The following RNF6 variants were observed in gnomAD, a reference collection of about 807,000 sequenced individuals.
The protein encoded by RNF6 is ring finger protein 6, also known as E3 ubiquitin-protein ligase RNF6.
A neutral mutation model predicts 50.1 loss-of-function variants in RNF6; 21 were observed. That is an observed-to-expected ratio of 0.42 (90% confidence interval 0.30 to 0.60). The LOEUF is 0.60. RNF6 is among the 20% of genes least tolerant of loss of function. The pLI is 0.20. For synonymous variants in RNF6, 255 were observed against 291.8 expected (o/e 0.87, Z 1.29); for missense variants, 698 against 838.2 (o/e 0.83, Z 2.07).
chr13:26,196,510 G>T (rs547498716), intron 5 of RNF6, among the ~76,000 whole-genome samples: 1 of 152,100 alleles, frequency 6.6e-6, no homozygotes, highest in Non-Finnish European at 1.5e-5. Flanking sequence ...AAATTAGCCA[G>T]TAATCCCAAC....
At chr13:26,167,363 C>A (rs994330467) in intron 5 of RNF6, among the ~76,000 whole-genome samples, 3 of 152,042 alleles carry the variant, frequency 2.0e-5, no homozygotes, top group Non-Finnish European at 4.4e-5. Flanking sequence ...CAAGAAAAAA[C>A]AAACAACCCC....
At position 26,214,294 on chromosome 13, in the gene RNF6, T is replaced by C. The variant is rs781120031; in HGVS notation, c.1588A>G (p.Ser530Gly). Reference protein sequence around the residue: ...LSNLGTDNNRSQHREGSSQDR... With the variant: ...LSNLGTDNNRGQHREGSSQDR... ...TGAGAGGAACCTTCCCTGTGCTGGC[T>C]CCTGTTGTTATCTGTACCTAAGTTA... Residue 530 changes from serine (S) to glycine (G), a missense_variant, in exon 5 of 5, where the codon AGC becomes GGC. Ser to Gly is a moderately conservative substitution (Grantham distance 56). Coordinates refer to ENST00000381588, the MANE Select transcript of RNF6 (RefSeq NM_005977.4). 4.3e-6 allele frequency: 7 copies of C among 1,614,150 alleles called. No homozygotes were observed. In the Admixed American group the frequency reaches 1.0e-4, roughly 23 times the overall value.
chr13:26,193,410 G>A (rs1868539165), intron 5 of RNF6, among the ~76,000 whole-genome samples: 1 of 152,294 alleles, frequency 6.6e-6, no homozygotes, highest in Non-Finnish European at 1.5e-5. Context: ...GAGGGAGTTA[G>A]CAACTGAAAT....
intron 5 of RNF6, among the ~76,000 whole-genome samples, chr13:26,197,499 C>G (rs1426200296): frequency 6.6e-6 from 1 of 151,700 alleles, no homozygotes; most frequent in Admixed American, 6.6e-5. Context: ...CACAGATGGC[C>G]TAATTATATT....
At chr13:26,194,640 G>A (rs1868587006) in intron 5 of RNF6, among the ~76,000 whole-genome samples, 1 of 137,444 alleles carries the variant, frequency 7.3e-6, no homozygotes, top group Non-Finnish European at 1.7e-5. Flanking sequence ...AGAACTAACA[G>A]GATATATATA....
rs1869520742 is a variant in RNF6, at chr13:26,213,961, T to C, written c.1921A>G (p.Thr641Ala). 1 of 1,614,108 alleles carries C rather than the reference T, an allele frequency of 6.2e-7. No individual in the cohort carries two copies. Among genetic ancestry groups the C allele is most frequent in the Non-Finnish European group, 8.5e-7 (1 of 1,180,038 alleles). ...ICSVCISDYV[T>A]GNKLRQLPCM... Reference sequence around the variant, plus strand: ...GGTAATTGCCTGAGCTTGTTTCCAGTTACATAGTCACTAATACAAACACTA... The same window carrying C: ...GGTAATTGCCTGAGCTTGTTTCCAGCTACATAGTCACTAATACAAACACTA... Residue 641 changes from threonine to alanine, a missense_variant, in exon 5 of 5, where the codon ACT (threonine) becomes GCT (alanine). Physicochemically the swap from Thr to Ala is moderately conservative, Grantham distance 58. Coordinates refer to ENST00000381588, the MANE Select transcript of RNF6 (RefSeq NM_005977.4).
At chr13:26,172,628 C>T (rs1431341778) in intron 5 of RNF6, among the ~76,000 whole-genome samples, 1 of 151,754 alleles carries the variant, frequency 6.6e-6, no homozygotes, top group Admixed American at 6.6e-5. Context: ...ACGGAAAGCT[C>T]TGCCTGCCGG....
chr13:26,146,155 C>A (rs1264889559), intron 5 of RNF6, among the ~76,000 whole-genome samples: 1 of 152,160 alleles, frequency 6.6e-6, no homozygotes, highest in Non-Finnish European at 1.5e-5. Flanking sequence ...GATTAAAAGG[C>A]TATAGATCCC....
chr13:26,215,774 T>A (rs1165142591), intron 4 of RNF6, among the ~76,000 whole-genome samples, 182 bp from the exon 5 acceptor site: 1 of 152,230 alleles, frequency 6.6e-6, no homozygotes, highest in Admixed American at 6.5e-5. Context: ...AAGCATATTA[T>A]AAAAATTAAA....
rs150137875 is a variant in RNF6 at position 26,214,257 on chromosome 13, G to T, written c.1625C>A (p.Ala542Asp). 3,352 of 1,614,102 alleles carry T rather than the reference G, an allele frequency of 2.1e-3. 11 individuals carry two copies. Among genetic ancestry groups the T allele is most frequent in the Admixed American group, 4.0e-3 (238 of 60,010 alleles). The change falls in exon 5 of 5, where the codon GCC (alanine) becomes GAC (aspartate). Residue 542 changes from alanine to aspartate, a missense_variant. By Grantham distance (126) the Ala-to-Asp change is moderately radical (BLOSUM62 -2). Transcript: ENST00000381588. ...HREGSSQDRQAQGDSTEMHGE... is the reference protein window; with the variant it reads ...HREGSSQDRQDQGDSTEMHGE... ...ATGCATTTCAGTGCTGTCTCCTTGGGCCTGCCTGTCTTGAGAGGAACCTTC... is the reference window on the plus strand; with the variant it reads ...ATGCATTTCAGTGCTGTCTCCTTGGTCCTGCCTGTCTTGAGAGGAACCTTC...
chr13:26,137,023 A>T (rs1317681515), intron 5 of RNF6, among the ~76,000 whole-genome samples: 1 of 152,114 alleles, frequency 6.6e-6, no homozygotes, highest in Non-Finnish European at 1.5e-5. Context: ...AAAAATAACA[A>T]CTCACATTCT....
At chr13:26,182,921 C>A (rs1473172292) in intron 5 of RNF6, among the ~76,000 whole-genome samples, 1 of 152,070 alleles carries the variant, frequency 6.6e-6, no homozygotes, top group African/African-American at 2.4e-5. Context: ...CCTTGAGTAG[C>A]CAAATGGCTG....
At chr13:26,155,342 C>A (rs945723561) in intron 5 of RNF6, among the ~76,000 whole-genome samples, 32 of 152,074 alleles carry the variant, frequency 2.1e-4, no homozygotes, top group Middle Eastern at 3.4e-3. Flanking sequence ...CAGAGAAAAC[C>A]CCCATGGTAT....
chr13:26,214,029 T>A lies in RNF6; in HGVS notation c.1853A>T (p.His618Leu). 6.2e-7 allele frequency: 1 copy of A among 1,614,240 alleles called. No individual in the cohort carries two copies. The highest frequency in any genetic ancestry group is 8.5e-7 in the Non-Finnish European group (1 of 1,180,042). The change falls in exon 5 of 5, where the codon CAC (histidine) becomes CTC (leucine). Residue 618 changes from histidine to leucine, a missense_variant. His to Leu is a moderately conservative substitution (Grantham distance 99, BLOSUM62 -3). Coordinates refer to ENST00000381588, the MANE Select transcript of RNF6 (RefSeq NM_005977.4). ...KEQIDNLSTR[H>L]YEHNSIDSEL... ...ACTATCAATACTGTTATGCTCATAG[T>A]GCCTGGTGGAAAGATTGTCAATCTG...
At chr13:26,207,908 A>G (rs1869172391), downstream of RNF6, among the ~76,000 whole-genome samples, 1 of 152,210 alleles carries the variant, frequency 6.6e-6, no homozygotes, top group East Asian at 1.9e-4. Flanking sequence ...GAACTGGTGC[A>G]TGGTAGAGGC....
intron 5 of RNF6, among the ~76,000 whole-genome samples, chr13:26,183,051 G>A (rs2137662485): frequency 6.6e-6 from 1 of 152,272 alleles, no homozygotes; most frequent in South Asian, 2.1e-4. Flanking sequence ...TTGTTTTTGA[G>A]CCAAGTACAG....
chr13:26,200,968 A>C (rs987353956), intron 5 of RNF6, among the ~76,000 whole-genome samples: 16 of 152,210 alleles, frequency 1.1e-4, no homozygotes, highest in African/African-American at 3.9e-4. Context: ...ATGATTCAGC[A>C]ATTCTGTTTC....
intron 5 of RNF6, among the ~76,000 whole-genome samples, chr13:26,163,293 CAGAG>C (rs369196339): frequency 1.3e-5 from 2 of 150,058 alleles, no homozygotes; most frequent in Non-Finnish European, 1.5e-5. Flanking sequence ...GCCTGGGAGA[CAGAG>C]AGAGACTCCG....
intron 5 of RNF6, among the ~76,000 whole-genome samples, chr13:26,196,778 A>G (rs1868683274): frequency 6.6e-6 from 1 of 152,014 alleles, no homozygotes; most frequent in Non-Finnish European, 1.5e-5. Context: ...TAGAAAAGAA[A>G]GCAAGCCACC....
Sources: gnomAD v4.1 joint callset for allele counts (sites outside exome capture counted in the v4.1 genomes callset) on GRCh38, gnomAD v4.1.1 for gene constraint, MANE v1.5 for transcripts, NCBI Gene and HGNC (gene_info 2026-07-23, HGNC 2026-07-21) for gene names.